Variants in IGFBP2 observed in about 807,000 individuals in gnomAD.
The protein encoded by IGFBP2 is insulin-like growth factor-binding protein 2.
In IGFBP2, 12 loss-of-function variants were observed where a neutral mutation model predicts 26.2. That is an observed-to-expected ratio of 0.46 (90% CI 0.29 to 0.74). The LOEUF (loss-of-function observed/expected upper bound fraction) is 0.74. Among genes scored for constraint, IGFBP2 ranks in the 30% least tolerant of loss-of-function variants. IGFBP2 has a pLI of 0.09. For synonymous variants in IGFBP2, 189 were observed against 200.6 expected (o/e 0.94, Z 0.49); for missense variants, 328 against 441.2 (o/e 0.74, Z 2.30).
chr2:216,634,679 C>G (rs1482249974), intron 1 of IGFBP2, among the ~76,000 whole-genome samples: 2 of 152,182 alleles, frequency 1.3e-5, no homozygotes, highest in Admixed American at 6.5e-5. Flanking sequence ...GGCTGCATTC[C>G]CTGGACGGGG....
In IGFBP2 at chr2:216,664,142, C is replaced by T. The variant is rs1242806991; in HGVS notation, c.*38C>T. The T allele has an allele frequency of 1.3e-6, 2 of 1,496,220 alleles. No homozygotes were observed. The highest frequency in any genetic ancestry group is 2.2e-5 in the Admixed American group (1 of 45,998). The allele number at this position is 1,496,220 out of a possible 1,614,324, so 92.7% of individuals were successfully genotyped here. On this transcript the variant is annotated 3_prime_UTR_variant, in exon 4 of 4. Transcript: ENST00000233809. The surrounding 1 kb of genome is among the most constrained non-coding windows in gnomAD (Gnocchi z 4.6). The stretch of plus-strand genomic sequence containing the variant: ...CGGTGCCTGGCGCCCCTGCCCCCCG[C>T]CCCTCTCCAAACACCGGCAGAAAAC...
At chr2:216,646,623 C>G (rs573459349) in intron 1 of IGFBP2, among the ~76,000 whole-genome samples, 23 of 152,346 alleles carry the variant, frequency 1.5e-4, no homozygotes, top group Non-Finnish European at 2.6e-4. Flanking sequence ...CTCACAGTTC[C>G]ATGTGGCTGG....
intron 1 of IGFBP2, among the ~76,000 whole-genome samples, chr2:216,641,718 C>A (rs921787153): frequency 1.5e-5 from 2 of 137,074 alleles, no homozygotes; most frequent in Non-Finnish European, 3.0e-5. Flanking sequence ...TAGACAGAGT[C>A]TTGCTCTGTC....
chr2:216,658,464 A>T (rs1246302238), intron 1 of IGFBP2, among the ~76,000 whole-genome samples: 3 of 152,244 alleles, frequency 2.0e-5, no homozygotes, highest in African/African-American at 4.8e-5. Flanking sequence ...CGTCATTGTC[A>T]TCATCATCAG....
intron 1 of IGFBP2, among the ~76,000 whole-genome samples, chr2:216,654,954 G>A (rs920473518): frequency 1.3e-5 from 2 of 152,174 alleles, no homozygotes; most frequent in African/African-American, 4.8e-5. Context: ...AGCCTCCTGG[G>A]ACCTGGAGCC....
chr2:216,662,447 T>G lies in IGFBP2; in HGVS notation c.813+449T>G, dbSNP rs548885367. On this transcript the variant is annotated intron_variant, in intron 3 of 3. Transcript: ENST00000233809. ...TCCCACCATCATTGATTTCAACCAC[T>G]GGCCGAGTTGTCTTCATGGTTTCGA... is the stretch of plus-strand genomic sequence containing the variant. 28 of 168,318 alleles carry G rather than the reference T, an allele frequency of 1.7e-4. 1 individual carries two copies. In the South Asian group the frequency reaches 4.5e-3, roughly 27 times the overall value. 10.4% of individuals were successfully genotyped at this position (168,318 alleles called of 1,614,324 possible).
At chr2:216,634,164 G>A (rs916942812) in intron 1 of IGFBP2, among the ~76,000 whole-genome samples, 199 bp downstream of exon 1, 1 of 152,236 alleles carries the variant, frequency 6.6e-6, no homozygotes, top group African/African-American at 2.4e-5. Context: ...AAGAGCCCTG[G>A]CGACTCATTT....
At chr2:216,633,366 G>A (rs1574549744), upstream of IGFBP2, 1 of 154,714 alleles carries the variant, frequency 6.5e-6, no homozygotes, top group South Asian at 2.0e-4. Flanking sequence ...AGGGGAGAAG[G>A]CAGGGGGCGG....
rs772060365 is a variant in IGFBP2 at position 216,660,771 on chromosome 2, A to G, written c.657A>G (p.Arg219=). 1 of 1,590,942 alleles carries G rather than the reference A, an allele frequency of 6.3e-7. No individual in the cohort carries two copies. The highest frequency in any genetic ancestry group is 1.8e-5 in the Admixed American group (1 of 56,388). ...HLGLEEPKKL[R]PPPARTPCQQ... is the part of the protein sequence containing the mutation. ...GCCTGGAGGAGCCCAAGAAGCTGCG[A>G]CCACCCCCTGCCAGGGTCAGTGAGG... Residue 219 remains arginine (R), a synonymous_variant, in exon 2 of 4, where the codon CGA becomes CGG. Transcript: ENST00000233809.
At chr2:216,646,849 A>G (rs1254732134) in intron 1 of IGFBP2, among the ~76,000 whole-genome samples, 1 of 152,218 alleles carries the variant, frequency 6.6e-6, no homozygotes, top group African/African-American at 2.4e-5. Flanking sequence ...GCTACAATTC[A>G]TGGTGAGATT....
rs1169002694 is a variant in IGFBP2 at position 216,633,564 on chromosome 2, C to CGCCGCCGCT, written c.44_52dup (p.Pro15_Leu17dup). ...GGCTGCCCCGCGCTGCCGCTGCCGC[C>CGCCGCCGCT]GCCGCCGCTGCTGCCGCTGCTGCTG... On this transcript the variant is annotated inframe_insertion, in exon 1 of 4. Coordinates refer to ENST00000233809, the MANE Select transcript of IGFBP2 (RefSeq NM_000597.3). 0.013 allele frequency: 825 copies of CGCCGCCGCT among 64,262 alleles called. 1 individual carries two copies. Among genetic ancestry groups the CGCCGCCGCT allele is most frequent in the Non-Finnish European group, 0.019 (785 of 41,496 alleles). The allele number at this position is 64,262 out of a possible 1,614,324, so 4.0% of individuals were successfully genotyped here. A position where few individuals can be genotyped will look rare whatever the true frequency, so the allele number is the denominator to read the frequency against.
chr2:216,639,208 T>C (rs563186585), intron 1 of IGFBP2, among the ~76,000 whole-genome samples: 7 of 152,084 alleles, frequency 4.6e-5, no homozygotes, highest in African/African-American at 1.7e-4. Flanking sequence ...AATATTTTTG[T>C]ATTTTTAGTA....
chr2:216,635,373 A>C (rs1282593349), intron 1 of IGFBP2, among the ~76,000 whole-genome samples: 1 of 152,034 alleles, frequency 6.6e-6, no homozygotes, highest in Non-Finnish European at 1.5e-5. Flanking sequence ...AAAAGGAAAA[A>C]GCCCCCACGA....
Position 216,660,956 on chromosome 2 carries a change from G to A in IGFBP2, c.672+170G>A, listed in dbSNP as rs147589173. 76 of 610,082 alleles carry A rather than the reference G, an allele frequency of 1.2e-4. No homozygotes were observed. The East Asian group carries it at 2.1e-3, about 17-fold the overall frequency. The allele number at this position is 610,082 out of a possible 1,614,324, so 37.8% of individuals were successfully genotyped here. On this transcript the variant is annotated intron_variant, in intron 2 of 3. Coordinates refer to ENST00000233809, the MANE Select transcript of IGFBP2 (RefSeq NM_000597.3). ...TAGTTAGTGACCTTTGGGGCAGTCA[G>A]TATCTCTGGCTGTGAAATAGACTGG...
chr2:216,641,288 C>T (rs186250708), intron 1 of IGFBP2, among the ~76,000 whole-genome samples: 5 of 152,284 alleles, frequency 3.3e-5, no homozygotes, highest in African/African-American at 4.8e-5. Context: ...GCAGGCCACT[C>T]CTCTCTGGAG....
At chr2:216,647,762 T>C (rs565034077) in intron 1 of IGFBP2, among the ~76,000 whole-genome samples, 46 of 152,284 alleles carry the variant, frequency 3.0e-4, no homozygotes, top group East Asian at 5.8e-4. Flanking sequence ...CCTCGTGATC[T>C]GCCCGCCTTG....
chr2:216,633,836 T>C lies in IGFBP2; in HGVS notation c.313T>C (p.Cys105Arg). The change falls in exon 1 of 4, where the codon TGC becomes CGC. Residue 105 changes from cysteine to arginine, a missense_variant. Coordinates refer to ENST00000233809, the MANE Select transcript of IGFBP2 (RefSeq NM_000597.3). Reference sequence around the variant, plus strand: ...GGCGTGCGGCGTCTACACCCCGCGCTGCGGCCAGGGGCTGCGCTGCTATCC... The same window carrying C: ...GGCGTGCGGCGTCTACACCCCGCGCCGCGGCCAGGGGCTGCGCTGCTATCC... ...GEACGVYTPR[C>R]GQGLRCYPHP... 6.5e-7 allele frequency: 1 copy of C among 1,541,104 alleles called. No individual in the cohort carries two copies.
chr2:216,650,459 G>A (rs1457637009), intron 1 of IGFBP2, among the ~76,000 whole-genome samples: 1 of 152,206 alleles, frequency 6.6e-6, no homozygotes, highest in Admixed American at 6.5e-5. Context: ...TCCAAAAAGA[G>A]TTTGCAGAGT....
intron 3 of IGFBP2, 120 bp from the exon 4 acceptor site, chr2:216,663,820 G>A: frequency 9.7e-7 from 1 of 1,025,966 alleles, no homozygotes; most frequent in Non-Finnish European, 1.4e-6. Context: ...AAGTTGCGAA[G>A]CTCCACCCGG....
Sources: allele counts gnomAD v4.1 joint callset (sites outside exome capture counted in the v4.1 genomes callset), GRCh38; gene constraint gnomAD v4.1.1; non-coding constraint Gnocchi (gnomAD v3.1); transcripts MANE v1.5; gene names NCBI Gene and HGNC (gene_info 2026-07-23, HGNC 2026-07-21).